The following C4orf17 variants were observed in gnomAD, a reference collection of about 807,000 sequenced individuals.
C4orf17 encodes chromosome 4 open reading frame 17.
In C4orf17, 25 loss-of-function variants were observed where a neutral mutation model predicts 32.0. That is an observed-to-expected ratio of 0.78 (90% CI 0.57 to 1.09). The LOEUF (loss-of-function observed/expected upper bound fraction) is 1.09, where lower values mean the gene tolerates loss of function less well. C4orf17 is among the 50% of genes least tolerant of loss of function. The probability of loss-of-function intolerance (pLI) is 0.00; values close to 1 mark genes in which losing one functional copy is unlikely to be tolerated. For synonymous variants in C4orf17, 149 were observed against 145.8 expected (o/e 1.02, Z -0.16); for missense variants, 420 against 420.0 (o/e 1.00, Z 0.00).
chr4:99,539,445 T>C, intron 7 of C4orf17, 75 bp downstream of exon 7: 1 of 1,210,556 alleles, frequency 8.3e-7, no homozygotes, highest in Non-Finnish European at 1.2e-6. Flanking sequence ...GTTATTTATC[T>C]TTCAAAATGT....
chr4:99,535,778 G>T (rs1723551455), intron 5 of C4orf17, among the ~76,000 whole-genome samples: 1 of 152,168 alleles, frequency 6.6e-6, no homozygotes, highest in Admixed American at 6.5e-5. Flanking sequence ...GCCCTTGCTT[G>T]AGATGTGTTG....
rs763393564 is a variant in C4orf17, at chr4:99,539,172, G to A, written c.638G>A (p.Trp213Ter). The A allele has an allele frequency of 2.0e-5, 33 of 1,613,572 alleles. No individual in the cohort carries two copies. The highest frequency in any genetic ancestry group is 2.8e-5 in the Non-Finnish European group (33 of 1,179,724). ...LLHATSKEKE[W>*]VSALIHSELA... ...TTGTCTTTTAAACCAGAAAAAGAGT[G>A]GGTCTCAGCTTTGATTCATTCTGAG... Residue 213 changes from tryptophan (W) to a stop codon, truncating the protein, a stop_gained, in exon 7 of 9, where the codon TGG (tryptophan) becomes TAG (stop). Coordinates refer to ENST00000326581, the MANE Select transcript of C4orf17 (RefSeq NM_032149.3). LOFTEE classifies it high-confidence loss of function.
chr4:99,530,277 A>G (rs1201255580), intron 5 of C4orf17, among the ~76,000 whole-genome samples: 1 of 152,106 alleles, frequency 6.6e-6, no homozygotes, highest in Non-Finnish European at 1.5e-5. Context: ...ACTACTCTTA[A>G]TGTCTTGCCG....
At chr4:99,519,079 A>G (rs796601217) in intron 2 of C4orf17, among the ~76,000 whole-genome samples, 107 of 152,302 alleles carry the variant, frequency 7.0e-4, no homozygotes, top group African/African-American at 2.4e-3. Flanking sequence ...AGGAAGAAGA[A>G]CTGGGTAGAA....
chr4:99,542,119 A>C lies in C4orf17; in HGVS notation c.*10A>C. The C allele has an allele frequency of 6.2e-7, 1 of 1,606,818 alleles. No homozygotes were observed. ...AACACACCGGAGGTAGAAGTTCTAG[A>C]CTGGGTGAATTCTTTCATGAATATG... On this transcript the variant is annotated 3_prime_UTR_variant, in exon 9 of 9. Coordinates refer to ENST00000326581, the MANE Select transcript of C4orf17 (RefSeq NM_032149.3).
chr4:99,522,525 T>A lies in C4orf17; in HGVS notation c.153T>A (p.Thr51=). The change falls in exon 3 of 9, where the codon ACT becomes ACA. Residue 51 remains threonine (T), a synonymous_variant. Coordinates refer to ENST00000326581, the MANE Select transcript of C4orf17 (RefSeq NM_032149.3). ...GCTTGAATAACATTCCAATCTGTACTGTGAATGATGATGAGAATGCATTTG... is the reference window on the plus strand; with the variant it reads ...GCTTGAATAACATTCCAATCTGTACAGTGAATGATGATGAGAATGCATTTG... ...IKGLNNIPIC[T]VNDDENAFGT... The A allele has an allele frequency of 6.2e-7, 1 of 1,613,986 alleles. No homozygotes were observed. Among genetic ancestry groups the A allele is most frequent in the Non-Finnish European group, 8.5e-7 (1 of 1,179,862 alleles).
At chr4:99,540,497 AAC>A (rs1408014398) in intron 8 of C4orf17, 42 bp downstream of exon 8, 12 of 1,339,644 alleles carry the variant, frequency 9.0e-6, no homozygotes, top group Non-Finnish European at 1.2e-5. Context: ...GGTATAAAGA[AAC>A]CAGTAAGTAC....
chr4:99,534,884 G>T (rs1723536636), intron 5 of C4orf17, among the ~76,000 whole-genome samples: 1 of 152,264 alleles, frequency 6.6e-6, no homozygotes, highest in East Asian at 1.9e-4. Flanking sequence ...GCTGGTAAAA[G>T]TTTTCCTTTC....
At chr4:99,524,117 C>T (rs1395439806) in intron 3 of C4orf17, among the ~76,000 whole-genome samples, 1 of 151,610 alleles carries the variant, frequency 6.6e-6, no homozygotes, top group East Asian at 2.0e-4. Context: ...GTAGCTGGGA[C>T]TACAGGCGCC....
In C4orf17 at chr4:99,539,350, A is replaced by C; in HGVS notation, c.816A>C (p.Thr272=). 6.2e-7 allele frequency: 1 copy of C among 1,614,060 alleles called. No individual in the cohort carries two copies. Residue 272 remains threonine, a synonymous_variant, in exon 7 of 9, where the codon ACA becomes ACC. Transcript: ENST00000326581. ...AATCAAAAGTGCTGACCAGAGATAC[A>C]GAAGGGGATCAACCAACCAGGTAAT... ...TAKSKVLTRD[T]EGDQPTRVSS...
Position 99,511,066 on chromosome 4 carries a change from G to C in C4orf17, c.-300G>C, listed in dbSNP as rs1001737897. The C allele has an allele frequency of 8.5e-5, 13 of 152,180 alleles. No individual in the cohort carries two copies. The highest frequency in any genetic ancestry group is 1.6e-4 in the Non-Finnish European group (11 of 68,034). 9.4% of individuals were successfully genotyped at this position (152,180 alleles called of 1,614,324 possible). On this transcript the variant is annotated 5_prime_UTR_variant, in exon 1 of 9. Transcript: ENST00000326581. ...GAGCCACACAGGCTCCTTGGAGTAA[G>C]AGTGTGAGAAACTGGATGAAGACAG...
At chr4:99,535,324 A>G (rs1457093036) in intron 5 of C4orf17, among the ~76,000 whole-genome samples, 1 of 151,732 alleles carries the variant, frequency 6.6e-6, no homozygotes, top group Non-Finnish European at 1.5e-5. Flanking sequence ...GATATCCTGA[A>G]GTATGTTTTC....
At chr4:99,513,303 T>C in intron 2 of C4orf17, 95 bp downstream of exon 2, 3 of 1,465,776 alleles carry the variant, frequency 2.0e-6, no homozygotes, top group East Asian at 4.6e-5. Flanking sequence ...CTATTCAAAA[T>C]ATTTAACCAC....
At chr4:99,521,343 C>T (rs1296494016) in intron 2 of C4orf17, among the ~76,000 whole-genome samples, 1 of 151,736 alleles carries the variant, frequency 6.6e-6, no homozygotes, top group Non-Finnish European at 1.5e-5. Context: ...CCATTGCACT[C>T]CAGCCTGGGC....
At chr4:99,516,869 C>T (rs1455020533) in intron 2 of C4orf17, among the ~76,000 whole-genome samples, 1 of 152,178 alleles carries the variant, frequency 6.6e-6, no homozygotes, top group Non-Finnish European at 1.5e-5. Flanking sequence ...CTTCAGCCTA[C>T]CGAAGCGTGG....
intron 2 of C4orf17, among the ~76,000 whole-genome samples, chr4:99,513,659 T>G (rs1430511217): frequency 6.6e-6 from 1 of 152,148 alleles, no homozygotes; most frequent in Non-Finnish European, 1.5e-5. Flanking sequence ...CCTCCTGCCC[T>G]CATTCCCTCC....
chr4:99,529,860 T>C lies in C4orf17; in HGVS notation c.448T>C (p.Ser150Pro), dbSNP rs1362042906. ...KRPPSPPKAC[S>P]TPGSCSSGMT... Reference sequence around the variant, plus strand: ...ACCACCATCACCTCCAAAGGCATGCTCTACTCCTGGCTCCTGTTCTTCAGG... The same window carrying C: ...ACCACCATCACCTCCAAAGGCATGCCCTACTCCTGGCTCCTGTTCTTCAGG... Residue 150 changes from serine to proline, a missense_variant, in exon 5 of 9, where the codon TCT becomes CCT. Physicochemically the swap from Ser to Pro is moderately conservative, Grantham distance 74. Coordinates refer to ENST00000326581, the MANE Select transcript of C4orf17 (RefSeq NM_032149.3). The C allele has an allele frequency of 3.1e-6, 5 of 1,613,162 alleles. No individual in the cohort carries two copies. The Admixed American group carries it at 8.3e-5, about 27-fold the overall frequency.
intron 5 of C4orf17, among the ~76,000 whole-genome samples, chr4:99,533,349 A>G (rs923712510): frequency 2.6e-5 from 4 of 152,222 alleles, no homozygotes; most frequent in Non-Finnish European, 5.9e-5. Context: ...CTCCTGCTGT[A>G]AAAAACTATA....
intron 4 of C4orf17, among the ~76,000 whole-genome samples, chr4:99,526,879 A>G (rs1446058560): frequency 6.6e-6 from 1 of 151,894 alleles, no homozygotes; most frequent in Non-Finnish European, 1.5e-5. Context: ...TGTGAGTTTT[A>G]TTGATCATTT....
Sources: allele counts gnomAD v4.1 joint callset (sites outside exome capture counted in the v4.1 genomes callset), GRCh38; gene constraint gnomAD v4.1.1; transcripts MANE v1.5; gene names NCBI Gene and HGNC (gene_info 2026-07-23, HGNC 2026-07-21).